CSMD1: variants seen among roughly 807,000 people sequenced by gnomAD.
CSMD1 encodes the protein CUB and sushi domain-containing protein 1.
A neutral mutation model predicts 417.5 loss-of-function variants in CSMD1; 213 were observed. The observed-to-expected ratio is 0.51, with a 90% CI of 0.46 to 0.57. CSMD1 has a LOEUF of 0.57. CSMD1 is among the 20% of genes least tolerant of loss of function. CSMD1 has a pLI of 0.00. For synonymous variants in CSMD1, 2,862 were observed against 1,736.8 expected (o/e 1.65, Z -16.11); for missense variants, 6,923 against 4,529.7 (o/e 1.53, Z -15.17).
At chr8:4,152,481 G>A (rs1326003451) in intron 3 of CSMD1, among the ~76,000 whole-genome samples, 1 of 150,622 alleles carries the variant, frequency 6.6e-6, no homozygotes, top group African/African-American at 2.4e-5. Context: ...TTGGGCCAAG[G>A]AGTATGGAAA....
At chr8:3,948,194 A>T (rs1811365090) in intron 5 of CSMD1, among the ~76,000 whole-genome samples, 1 of 152,096 alleles carries the variant, frequency 6.6e-6, no homozygotes. Context: ...ACAGACCAAG[A>T]CTCCGTCTAA....
intron 1 of CSMD1, among the ~76,000 whole-genome samples, chr8:4,823,982 G>T (rs879483652): frequency 6.6e-6 from 1 of 151,254 alleles, no homozygotes; most frequent in Non-Finnish European, 1.5e-5. Flanking sequence ...ACCCACGCAT[G>T]GACACACACA....
chr8:4,905,596 C>CAG (rs1805193894), intron 1 of CSMD1, among the ~76,000 whole-genome samples: 1 of 151,640 alleles, frequency 6.6e-6, no homozygotes, highest in Non-Finnish European at 1.5e-5. Context: ...AAGGTGGGCC[C>CAG]ATCACGAGGT....
intron 3 of CSMD1, among the ~76,000 whole-genome samples, chr8:4,311,938 T>TCA (rs2128879177): frequency 6.6e-6 from 1 of 152,062 alleles, no homozygotes; most frequent in South Asian, 2.1e-4. Flanking sequence ...TAACAAACCT[T>TCA]CACTTGTATC....
intron 5 of CSMD1, among the ~76,000 whole-genome samples, chr8:3,967,953 G>A (rs1312412266): frequency 4.0e-5 from 6 of 148,224 alleles, no homozygotes; most frequent in Admixed American, 1.4e-4. Context: ...GGATCACGAG[G>A]TCAGGAGATC....
chr8:4,756,115 G>T (rs1002750260), intron 1 of CSMD1, among the ~76,000 whole-genome samples: 1 of 152,108 alleles, frequency 6.6e-6, no homozygotes, highest in African/African-American at 2.4e-5. Context: ...TTTTTCACAG[G>T]AGTATATAGT....
chr8:3,436,589 GTATGTTT>G (rs1563387326), intron 12 of CSMD1, among the ~76,000 whole-genome samples: 1 of 151,684 alleles, frequency 6.6e-6, no homozygotes, highest in Non-Finnish European at 1.5e-5. Context: ...TAAATCTTAC[GTATGTTT>G]TATTATTGAT....
chr8:4,742,578 T>A (rs899385407), intron 1 of CSMD1, among the ~76,000 whole-genome samples: 2 of 152,240 alleles, frequency 1.3e-5, no homozygotes, highest in South Asian at 4.1e-4. Flanking sequence ...TGTTTTTTTA[T>A]TTAGCCATTA....
intron 3 of CSMD1, among the ~76,000 whole-genome samples, chr8:4,254,860 A>G (rs2128834489): frequency 6.6e-6 from 1 of 152,316 alleles, no homozygotes; most frequent in East Asian, 1.9e-4. Flanking sequence ...TCATATGCAC[A>G]TTCTGTGTTG....
chr8:4,667,002 C>T (rs887220172), intron 1 of CSMD1, among the ~76,000 whole-genome samples: 3 of 151,904 alleles, frequency 2.0e-5, no homozygotes, highest in Non-Finnish European at 2.9e-5. Context: ...GTAAGAATAT[C>T]AATCATTTTG....
At chr8:4,210,628 A>G (rs1479432545) in intron 3 of CSMD1, among the ~76,000 whole-genome samples, 1 of 152,158 alleles carries the variant, frequency 6.6e-6, no homozygotes, top group Non-Finnish European at 1.5e-5. Context: ...ATAATATCTC[A>G]TTAATTATAC....
At chr8:4,968,600 G>C (rs1005958145) in intron 1 of CSMD1, among the ~76,000 whole-genome samples, 5 of 151,948 alleles carry the variant, frequency 3.3e-5, no homozygotes, top group African/African-American at 7.2e-5. Flanking sequence ...TCCATAATCA[G>C]ACCAGTTTCT....
rs534193870 is a variant in CSMD1, at chr8:4,937,747, T to C, written c.85+56585A>G. Among the ~76,000 whole-genome samples, 14 of 152,010 alleles carry C rather than the reference T, an allele frequency of 9.2e-5. No individual in the cohort carries two copies. In the South Asian group the frequency reaches 2.1e-3, roughly 23 times the overall value. ...CCTGAGCAGAGTAAGATAAGTGTGA[T>C]CTGATCTAGAGAGAAGTTTCTCACA... On this transcript the variant is annotated intron_variant, in intron 1 of 69. Coordinates refer to ENST00000635120, the MANE Select transcript of CSMD1 (RefSeq NM_033225.6).
intron 40 of CSMD1, among the ~76,000 whole-genome samples, chr8:3,147,948 G>C (rs560112128): frequency 4.6e-5 from 7 of 152,244 alleles, no homozygotes; most frequent in Non-Finnish European, 8.8e-5. Context: ...AAATCTTCTG[G>C]CTATTCTTTT....
At chr8:4,103,255 T>C (rs926413539) in intron 3 of CSMD1, among the ~76,000 whole-genome samples, 2 of 49,030 alleles carry the variant, frequency 4.1e-5, no homozygotes, top group African/African-American at 1.5e-4. Context: ...ATGATCAGTG[T>C]ATACATACAT....
chr8:4,194,799 T>C (rs1799234784), intron 3 of CSMD1, among the ~76,000 whole-genome samples: 1 of 152,084 alleles, frequency 6.6e-6, no homozygotes, highest in Non-Finnish European at 1.5e-5. Flanking sequence ...TGAGACTCTT[T>C]GGTCACTATG....
chr8:4,231,807 A>T (rs928894412), intron 3 of CSMD1, among the ~76,000 whole-genome samples: 2 of 152,206 alleles, frequency 1.3e-5, no homozygotes, highest in African/African-American at 4.8e-5. Context: ...CTACCTAACA[A>T]AACTGCCAGT....
At chr8:4,097,587 A>G (rs1801086742) in intron 3 of CSMD1, among the ~76,000 whole-genome samples, 1 of 152,202 alleles carries the variant, frequency 6.6e-6, no homozygotes, top group African/African-American at 2.4e-5. Flanking sequence ...TTCTAGTAAC[A>G]CCCAGATTGA....
At chr8:4,922,200 G>A (rs752479170) in intron 1 of CSMD1, among the ~76,000 whole-genome samples, 14 of 151,962 alleles carry the variant, frequency 9.2e-5, no homozygotes, top group Non-Finnish European at 1.0e-4. Context: ...GAGTGTGTGC[G>A]TGCATGTCTG....
Sources: allele counts gnomAD v4.1 joint callset (sites outside exome capture counted in the v4.1 genomes callset), GRCh38; gene constraint gnomAD v4.1.1; transcripts MANE v1.5; gene names NCBI Gene and HGNC (gene_info 2026-07-23, HGNC 2026-07-21).